Variants in HERC1 observed in about 807,000 individuals in gnomAD.
HERC1 encodes the protein probable E3 ubiquitin-protein ligase HERC1.
Under a neutral mutation model 554.3 loss-of-function variants are expected in HERC1, and 160 were observed. The ratio of observed to expected loss-of-function variants is 0.29; its 90% CI spans 0.25 to 0.33. The LOEUF (loss-of-function observed/expected upper bound fraction) is 0.33, where lower values mean the gene tolerates loss of function less well. Ranked by LOEUF, HERC1 falls within the 10% of genes least tolerant of loss-of-function variation. The pLI is 1.00. For synonymous variants in HERC1, 2,175 were observed against 2,131.7 expected, an observed-to-expected ratio of 1.02 and a Z score of -0.56; for missense variants, 4,919 against 5,918.5, an observed-to-expected ratio of 0.83 and a Z score of 5.54.
At chr15:63,669,900 T>A (rs970245697) in intron 39 of HERC1, among the ~76,000 whole-genome samples, 9 of 152,192 alleles carry the variant, frequency 5.9e-5, no homozygotes, top group African/African-American at 2.2e-4. Flanking sequence ...TAAAACCTTA[T>A]GATTCTTTCA....
chr15:63,707,364 T>C (rs1034232457), intron 24 of HERC1, among the ~76,000 whole-genome samples: 3 of 152,190 alleles, frequency 2.0e-5, no homozygotes, highest in Non-Finnish European at 4.4e-5. Context: ...AAAAAACCTA[T>C]TACAATAGAC....
intron 39 of HERC1, 104 bp downstream of exon 39, chr15:63,672,392 C>G: frequency 1.3e-6 from 1 of 759,030 alleles, no homozygotes; most frequent in South Asian, 2.5e-5. Context: ...CTTTCTAGCT[C>G]TAGAACACCA....
chr15:63,608,980 G>T lies in HERC1; in HGVS notation c.*101C>A. The T allele has an allele frequency of 9.8e-7, 1 of 1,021,324 alleles. No individual in the cohort carries two copies. The highest frequency in any genetic ancestry group is 1.4e-6 in the Non-Finnish European group (1 of 724,282). The allele number at this position is 1,021,324 out of a possible 1,614,324, so 63.3% of individuals were successfully genotyped here. A position where few individuals can be genotyped will look rare whatever the true frequency, so the allele number is the denominator to read the frequency against. ...GCCATTGTTTATAATGTTGGTTTAT[G>T]TTCTTATAACATCTATGTAGTTACC... On this transcript the variant is annotated 3_prime_UTR_variant, in exon 78 of 78. Transcript: ENST00000443617.
At chr15:63,621,283 G>A (rs890702962) in intron 74 of HERC1, among the ~76,000 whole-genome samples, 1 of 152,134 alleles carries the variant, frequency 6.6e-6, no homozygotes, top group African/African-American at 2.4e-5. Flanking sequence ...GAAATTCTGG[G>A]TTGAAAATTC....
chr15:63,672,730 G>C lies in HERC1; in HGVS notation c.7847-36C>G, dbSNP rs368821370. 5.3e-5 allele frequency: 75 copies of C among 1,424,606 alleles called. No individual in the cohort carries two copies. The South Asian group carries it at 1.0e-3, about 19-fold the overall frequency. 88.2% of individuals were successfully genotyped at this position (1,424,606 alleles called of 1,614,324 possible). On this transcript the variant is annotated intron_variant, in intron 38 of 77. Transcript: ENST00000443617. ...AAAAAAAGGTTAAGAAAGTAGTAAG[G>C]ATTTGTTTTTTCAAAAATAACAGCG...
intron 18 of HERC1, among the ~76,000 whole-genome samples, chr15:63,724,343 C>G (rs1000300732): frequency 2.0e-5 from 3 of 152,154 alleles, no homozygotes; most frequent in African/African-American, 7.2e-5. Context: ...TTCATAAACA[C>G]CAGTCCAACA....
chr15:63,708,299 C>T (rs1448662340), intron 24 of HERC1, among the ~76,000 whole-genome samples: 1 of 152,096 alleles, frequency 6.6e-6, no homozygotes. Flanking sequence ...CTTTTAGACA[C>T]TGTGAATTAT....
chr15:63,757,229 A>C lies in HERC1; in HGVS notation c.1222-481T>G, dbSNP rs1454242578. On this transcript the variant is annotated intron_variant, in intron 4 of 77. Coordinates refer to ENST00000443617, the MANE Select transcript of HERC1 (RefSeq NM_003922.4). ...AGTGATCATAAGAAAATGAAATGCTAATCTAGCAAAAAGAAATTCCAGTTT... is the reference window on the plus strand; with the variant it reads ...AGTGATCATAAGAAAATGAAATGCTCATCTAGCAAAAAGAAATTCCAGTTT... Among the ~76,000 whole-genome samples, 3 of 151,294 alleles carry C rather than the reference A, an allele frequency of 2.0e-5. No individual in the cohort carries two copies. The East Asian group carries it at 5.8e-4, about 29-fold the overall frequency.
chr15:63,748,499 A>G (rs1407004673), intron 10 of HERC1, among the ~76,000 whole-genome samples: 1 of 152,144 alleles, frequency 6.6e-6, no homozygotes, highest in Non-Finnish European at 1.5e-5. Flanking sequence ...ATTAAGAAAA[A>G]TATCCTGACT....
At chr15:63,660,943 T>G (rs747012563) in intron 46 of HERC1, 30 bp downstream of exon 46, 3 of 1,386,162 alleles carry the variant, frequency 2.2e-6, no homozygotes, top group African/African-American at 2.8e-5. Context: ...AAAAAACATG[T>G]AAAATAAAGA....
rs796418048 is a variant in HERC1, at chr15:63,746,823, G to A, written c.2520+95C>T. On this transcript the variant is annotated intron_variant, in intron 12 of 77. Transcript: ENST00000443617. ...GGAGTAAGGGAAACAACATCCAATTGAAATTGTCCAATGTACAGTTGAATA... is the reference window on the plus strand; with the variant it reads ...GGAGTAAGGGAAACAACATCCAATTAAAATTGTCCAATGTACAGTTGAATA... The A allele has an allele frequency of 2.4e-5, 26 of 1,062,622 alleles. No homozygotes were observed. In the African/African-American group the frequency reaches 2.6e-4, roughly 11 times the overall value. 65.8% of individuals were successfully genotyped at this position (1,062,622 alleles called of 1,614,324 possible). A position where few individuals can be genotyped will look rare whatever the true frequency, so the allele number is the denominator to read the frequency against.
rs774040922 is a variant in HERC1, at chr15:63,712,906, T to C, written c.4464-11A>G. 3.1e-6 allele frequency: 5 copies of C among 1,602,046 alleles called. No individual in the cohort carries two copies. The highest frequency in any genetic ancestry group is 2.3e-5 in the South Asian group (2 of 88,848). On this transcript the variant is annotated splice_polypyrimidine_tract_variant and intron_variant, in intron 23 of 77. Coordinates refer to ENST00000443617, the MANE Select transcript of HERC1 (RefSeq NM_003922.4). ...GTAAGACTTTCACTCCTGTCTCACA[T>C]GTACAAAAAAAAAAGTTTTTTGATT...
intron 1 of HERC1, among the ~76,000 whole-genome samples, chr15:63,829,461 C>T (rs373882525): frequency 1.4e-5 from 1 of 70,008 alleles, no homozygotes; most frequent in East Asian, 2.2e-4. Context: ...TGTGTGTGTG[C>T]ACATATATGT....
At chr15:63,658,817 C>G (rs1315645689) in intron 47 of HERC1, 99 bp from the exon 48 acceptor site, 1 of 925,868 alleles carries the variant, frequency 1.1e-6, no homozygotes, top group Non-Finnish European at 1.5e-6. Flanking sequence ...CCATAACAAA[C>G]CAATGTCTTT....
At chr15:63,696,463 A>ACTG in intron 26 of HERC1, 124 bp from the exon 27 acceptor site, 1 of 636,684 alleles carries the variant, frequency 1.6e-6, no homozygotes. Flanking sequence ...CTATTCTAAG[A>ACTG]TAAACATTTA....
At chr15:63,716,747 C>T (rs537763819) in intron 21 of HERC1, among the ~76,000 whole-genome samples, 81 of 152,176 alleles carry the variant, frequency 5.3e-4, no homozygotes, top group African/African-American at 1.9e-3. Context: ...TGCTATTCAG[C>T]TATAAATTCC....
chr15:63,690,816 T>TA (rs2072062507), intron 31 of HERC1, among the ~76,000 whole-genome samples, 169 bp from the exon 32 acceptor site: 1 of 152,212 alleles, frequency 6.6e-6, no homozygotes, highest in African/African-American at 2.4e-5. Flanking sequence ...CATGAATGCG[T>TA]ATGAATACAT....
intron 1 of HERC1, among the ~76,000 whole-genome samples, chr15:63,793,916 G>A (rs1043843420): frequency 6.6e-6 from 1 of 152,108 alleles, no homozygotes; most frequent in Non-Finnish European, 1.5e-5. Context: ...GATGAGATAG[G>A]AGGTCAGCAC....
At chr15:63,731,869 T>C (rs971068134) in intron 14 of HERC1, among the ~76,000 whole-genome samples, 1 of 152,138 alleles carries the variant, frequency 6.6e-6, no homozygotes, top group African/African-American at 2.4e-5. Flanking sequence ...TTTCCTAGAA[T>C]AGTCAAGTCT....
Sources: gnomAD v4.1 joint callset for allele counts (sites outside exome capture counted in the v4.1 genomes callset) on GRCh38, gnomAD v4.1.1 for gene constraint, MANE v1.5 for transcripts, NCBI Gene and HGNC (gene_info 2026-07-23, HGNC 2026-07-21) for gene names.